Variants in CSMD1 observed in about 807,000 individuals in gnomAD.
CSMD1 encodes CUB and Sushi multiple domains 1, also known as CUB and sushi domain-containing protein 1.
In CSMD1, 213 loss-of-function variants were observed where a neutral mutation model predicts 417.5. The observed-to-expected ratio is 0.51, with a 90% CI of 0.46 to 0.57. The LOEUF (loss-of-function observed/expected upper bound fraction) is 0.57. Ranked by LOEUF, CSMD1 falls within the 20% of genes least tolerant of loss-of-function variation. The pLI is 0.00. For synonymous variants in CSMD1, 2,862 were observed against 1,736.8 expected, an observed-to-expected ratio of 1.65 and a Z score of -16.11; for missense variants, 6,923 against 4,529.7, an observed-to-expected ratio of 1.53 and a Z score of -15.17.
rs560203805 is a variant in CSMD1 at position 4,063,826 on chromosome 8, G to C, written c.416-31727C>G. The stretch of plus-strand genomic sequence containing the variant: ...TCTATCTGAGAGCACTTTGAATGTG[G>C]TAAGAAGGAACCAGGAGTAGACTAT... On this transcript the variant is annotated intron_variant, in intron 3 of 69. Coordinates refer to ENST00000635120, the MANE Select transcript of CSMD1 (RefSeq NM_033225.6). Among the ~76,000 whole-genome samples the C allele has an allele frequency of 2.7e-4, 41 of 152,256 alleles. No homozygotes were observed. The Middle Eastern group carries it at 0.014, about 51-fold the overall frequency.
At chr8:4,588,147 A>C (rs1799796715) in intron 2 of CSMD1, among the ~76,000 whole-genome samples, 1 of 152,128 alleles carries the variant, frequency 6.6e-6, no homozygotes, top group South Asian at 2.1e-4. Flanking sequence ...AGACGGGCTT[A>C]TTTTAAATGG....
intron 12 of CSMD1, among the ~76,000 whole-genome samples, chr8:3,411,614 G>A (rs1472910703): frequency 2.7e-5 from 4 of 149,012 alleles, no homozygotes; most frequent in African/African-American, 7.4e-5. Context: ...TGCTGCGAAT[G>A]CCATTAATTC....
At chr8:3,448,741 G>A (rs1047709113) in intron 12 of CSMD1, among the ~76,000 whole-genome samples, 1 of 152,172 alleles carries the variant, frequency 6.6e-6, no homozygotes, top group African/African-American at 2.4e-5. Flanking sequence ...GCACACCACA[G>A]AGGGATGCAT....
At chr8:3,391,387 A>C (rs75363652) in intron 17 of CSMD1, among the ~76,000 whole-genome samples, 1 of 152,326 alleles carries the variant, frequency 6.6e-6, no homozygotes, top group African/African-American at 2.4e-5. Flanking sequence ...AAACCTTCAT[A>C]CCCTTGAGAA....
chr8:4,938,268 A>G (rs1807756462), intron 1 of CSMD1, among the ~76,000 whole-genome samples: 1 of 152,178 alleles, frequency 6.6e-6, no homozygotes, highest in Admixed American at 6.5e-5. Context: ...CCAAAACTCT[A>G]TTTGTTGGAC....
intron 25 of CSMD1, 184 bp from the exon 26 acceptor site, chr8:3,284,530 A>G: frequency 1.7e-6 from 1 of 599,168 alleles, no homozygotes; most frequent in African/African-American, 1.8e-5. Context: ...AGGAGTGTAA[A>G]TTAGGATAAA....
chr8:3,977,436 T>A (rs1244046106), intron 5 of CSMD1, among the ~76,000 whole-genome samples: 1 of 152,312 alleles, frequency 6.6e-6, no homozygotes, highest in African/African-American at 2.4e-5. Context: ...TTTTTCCATG[T>A]TCTCTGAGTT....
At chr8:4,381,888 G>A (rs1344005062) in intron 3 of CSMD1, among the ~76,000 whole-genome samples, 6 of 151,996 alleles carry the variant, frequency 3.9e-5, no homozygotes, top group Non-Finnish European at 2.9e-5. Context: ...TTGGTTCCCT[G>A]CTATACAGTG....
chr8:4,301,613 G>C (rs1340518102), intron 3 of CSMD1, among the ~76,000 whole-genome samples: 2 of 152,196 alleles, frequency 1.3e-5, no homozygotes, highest in Non-Finnish European at 2.9e-5. Flanking sequence ...AGCTGAACCA[G>C]TCATCATGTC....
At chr8:3,738,717 T>A (rs142788713) in intron 6 of CSMD1, among the ~76,000 whole-genome samples, 2,423 of 152,304 alleles carry the variant, frequency 0.016, 28 homozygotes, top group South Asian at 0.029. Flanking sequence ...TGCCACCCTG[T>A]GGTCACCAAC....
intron 1 of CSMD1, among the ~76,000 whole-genome samples, chr8:4,722,948 G>C (rs1446793027): frequency 1.3e-5 from 2 of 152,260 alleles, no homozygotes; most frequent in African/African-American, 4.8e-5. Flanking sequence ...TCTAAGCTCG[G>C]TGGGGTTTCA....
intron 1 of CSMD1, among the ~76,000 whole-genome samples, chr8:4,743,457 G>T (rs1238913931): frequency 6.6e-6 from 1 of 152,064 alleles, no homozygotes; most frequent in Non-Finnish European, 1.5e-5. Flanking sequence ...AGAGTAGAGC[G>T]CTTCTCACGG....
At chr8:4,151,107 G>A (rs935550447) in intron 3 of CSMD1, among the ~76,000 whole-genome samples, 3 of 152,140 alleles carry the variant, frequency 2.0e-5, no homozygotes, top group African/African-American at 7.2e-5. Flanking sequence ...CCTTCTCCCA[G>A]CAGAAGATAT....
At chr8:3,149,492 T>G (rs1051936871) in intron 40 of CSMD1, among the ~76,000 whole-genome samples, 5 of 152,180 alleles carry the variant, frequency 3.3e-5, no homozygotes, top group African/African-American at 1.2e-4. Flanking sequence ...ATTCATTTAC[T>G]TATTGAGACA....
intron 26 of CSMD1, among the ~76,000 whole-genome samples, chr8:3,230,776 C>T (rs1297797644): frequency 6.6e-6 from 1 of 152,090 alleles, no homozygotes; most frequent in East Asian, 1.9e-4. Context: ...TTATTAATAA[C>T]CCCCTTTCAC....
intron 26 of CSMD1, among the ~76,000 whole-genome samples, chr8:3,260,041 C>T (rs1181916614): frequency 6.6e-6 from 1 of 152,122 alleles, no homozygotes; most frequent in Non-Finnish European, 1.5e-5. Flanking sequence ...AAGGTTTGCT[C>T]CTCCCCGGTA....
chr8:3,618,935 G>A (rs1802281774), intron 7 of CSMD1, among the ~76,000 whole-genome samples: 1 of 152,124 alleles, frequency 6.6e-6, no homozygotes, highest in Non-Finnish European at 1.5e-5. Flanking sequence ...CTGCCTGAGA[G>A]ACTGAGCTCT....
Position 3,409,535 on chromosome 8 carries a change from G to C in CSMD1, c.1632C>G (p.Leu544=). 1.2e-6 allele frequency: 2 copies of C among 1,611,326 alleles called. No individual in the cohort carries two copies. Among genetic ancestry groups the C allele is most frequent in the Admixed American group, 3.3e-5 (2 of 59,712 alleles). The change falls in exon 13 of 70, where the codon CTC becomes CTG. Residue 544 remains leucine (L), a synonymous_variant. Coordinates refer to ENST00000635120, the MANE Select transcript of CSMD1 (RefSeq NM_033225.6). ...AYGKRTGSSF[L]HGDTLTFECP... ...ATTCAAAGGTGAGTGTATCTCCATG[G>C]AGGAAACTGCTGCCCGTCCGCTTCC...
intron 6 of CSMD1, among the ~76,000 whole-genome samples, chr8:3,733,021 G>A (rs4364652): frequency 0.075 from 11,390 of 151,956 alleles, 481 homozygotes; most frequent in East Asian, 0.13. Flanking sequence ...CCTGATCAAG[G>A]GAAATCTGAC....
Sources: allele counts gnomAD v4.1 joint callset (sites outside exome capture counted in the v4.1 genomes callset), GRCh38; gene constraint gnomAD v4.1.1; transcripts MANE v1.5; gene names NCBI Gene and HGNC (gene_info 2026-07-23, HGNC 2026-07-21).